The following GRB2 variants were observed in gnomAD, a reference collection of about 807,000 sequenced individuals.
GRB2 encodes the protein growth factor receptor-bound protein 2.
Under a neutral mutation model 27.4 loss-of-function variants are expected in GRB2, and 2 were observed. The observed-to-expected ratio is 0.07, with a 90% CI of 0.03 to 0.23. The LOEUF (loss-of-function observed/expected upper bound fraction) is 0.23. Ranked by LOEUF, GRB2 falls within the 10% of genes least tolerant of loss-of-function variation. The pLI, the probability that GRB2 is intolerant of heterozygous loss-of-function variation, is 1.00. For missense variants in GRB2, 102 were observed against 282.4 expected (o/e 0.36, Z 4.58); for synonymous variants, 94 against 99.6 (o/e 0.94, Z 0.33).
Position 75,320,351 on chromosome 17 carries a change from T to A in GRB2, c.*17A>T. On this transcript the variant is annotated 3_prime_UTR_variant, in exon 6 of 6. Transcript: ENST00000316804. This position sits in a 1 kb window ranked among gnomAD's most constrained non-coding sequence, Gnocchi z 4.3. The stretch of plus-strand genomic sequence containing the variant: ...TTTTACATTTTTCACTTTCTTTAAA[T>A]AATTGCTTCTTGACTCTTAGACGTT... 1 of 1,602,570 alleles carries A rather than the reference T, an allele frequency of 6.2e-7. No homozygotes were observed. The highest frequency in any genetic ancestry group is 1.1e-5 in the South Asian group (1 of 90,880).
At chr17:75,385,801 C>G (rs1257950474) in intron 2 of GRB2, among the ~76,000 whole-genome samples, 1 of 152,158 alleles carries the variant, frequency 6.6e-6, no homozygotes, top group Non-Finnish European at 1.5e-5. Flanking sequence ...AAAACAGGAT[C>G]CATTTAAACG....
At chr17:75,365,860 C>T (rs978480049) in intron 2 of GRB2, among the ~76,000 whole-genome samples, 1 of 152,130 alleles carries the variant, frequency 6.6e-6, no homozygotes, top group Non-Finnish European at 1.5e-5. Flanking sequence ...CCCAACCCAA[C>T]CCATCAGCTG....
At chr17:75,364,257 A>G (rs1433035645) in intron 2 of GRB2, among the ~76,000 whole-genome samples, 2 of 152,212 alleles carry the variant, frequency 1.3e-5, no homozygotes, top group Admixed American at 1.3e-4. Context: ...TATCCTTCAC[A>G]GTAGTGGCTG....
At chr17:75,396,632 C>T (rs1029218646) in intron 1 of GRB2, among the ~76,000 whole-genome samples, 1 of 152,128 alleles carries the variant, frequency 6.6e-6, no homozygotes, top group Non-Finnish European at 1.5e-5. Flanking sequence ...AAGCAATCTG[C>T]CTGCCTCGGC....
At chr17:75,396,310 A>G (rs1281696118) in intron 1 of GRB2, among the ~76,000 whole-genome samples, 1 of 151,810 alleles carries the variant, frequency 6.6e-6, no homozygotes, top group Non-Finnish European at 1.5e-5. Context: ...TGGCATGGTC[A>G]TGGCTTACTG....
chr17:75,335,562 G>A (rs1208105646), intron 2 of GRB2, among the ~76,000 whole-genome samples: 1 of 152,208 alleles, frequency 6.6e-6, no homozygotes, highest in African/African-American at 2.4e-5. Context: ...TTTCTTAACA[G>A]AGGGTATGCC....
At position 75,385,051 on chromosome 17, in the gene GRB2, AAAAAAAAG is replaced by A. The variant is rs1456720093; in HGVS notation, c.78+8492_78+8499del. On this transcript the variant is annotated intron_variant, in intron 2 of 5. Coordinates refer to ENST00000316804, the MANE Select transcript of GRB2 (RefSeq NM_002086.5). The stretch of plus-strand genomic sequence containing the variant: ...TACCAAAAAAAAAAAAAAAAAAAAA[AAAAAAAAG>A]CAAACAAACAAACAAACAAAAAAAC... Among the ~76,000 whole-genome samples the A allele has an allele frequency of 2.1e-3, 169 of 79,002 alleles. 2 individuals are homozygous for A. The South Asian group carries it at 0.042, about 20-fold the overall frequency. The allele number at this position is 79,002 out of a possible 152,430, so 51.8% of individuals were successfully genotyped here.
chr17:75,327,066 ATCTTT>A (rs2078503082), intron 3 of GRB2, among the ~76,000 whole-genome samples: 1 of 137,130 alleles, frequency 7.3e-6, no homozygotes, highest in African/African-American at 2.5e-5. Context: ...TAACTTACAT[ATCTTT>A]TCTTTTTTTT....
chr17:75,376,984 C>A (rs911485228), intron 2 of GRB2, among the ~76,000 whole-genome samples: 8 of 151,998 alleles, frequency 5.3e-5, no homozygotes, highest in African/African-American at 1.9e-4. Flanking sequence ...GCACTCCAGC[C>A]TGGGTAAGAG....
chr17:75,365,047 G>A (rs1013284654), intron 2 of GRB2, among the ~76,000 whole-genome samples: 1 of 152,146 alleles, frequency 6.6e-6, no homozygotes, highest in African/African-American at 2.4e-5. Context: ...ACCATGAAGA[G>A]TAAAATCAAA....
At position 75,375,093 on chromosome 17, in the gene GRB2, CG is replaced by C. The variant is rs371818056; in HGVS notation, c.78+18457del. On this transcript the variant is annotated intron_variant, in intron 2 of 5. Coordinates refer to ENST00000316804, the MANE Select transcript of GRB2 (RefSeq NM_002086.5). ...ACATTTTTGGTTTTTTTTTTGTAGA[CG>C]GGGGGGTCTCACTGTGTTGCCCAGG... 4.3e-3 allele frequency among the ~76,000 whole-genome samples: 653 copies of C among 151,020 alleles called. 6 individuals carry two copies. Among genetic ancestry groups the C allele is most frequent in the African/African-American group, 0.015 (613 of 41,180 alleles).
chr17:75,321,583 C>T, intron 5 of GRB2, 76 bp downstream of exon 5: 1 of 1,396,610 alleles, frequency 7.2e-7, no homozygotes, highest in Non-Finnish European at 1.0e-6. Flanking sequence ...GGGGCGCCTC[C>T]CCTTTCCTAC....
chr17:75,396,344 G>A (rs1162605329), intron 1 of GRB2, among the ~76,000 whole-genome samples: 2 of 151,986 alleles, frequency 1.3e-5, no homozygotes, highest in East Asian at 1.9e-4. Flanking sequence ...CTTGGCTCAA[G>A]TAATCCTCAT....
At chr17:75,403,155 A>AAT (rs1555614121) in intron 1 of GRB2, among the ~76,000 whole-genome samples, 222 of 145,542 alleles carry the variant, frequency 1.5e-3, no homozygotes, top group Non-Finnish European at 2.6e-3. Flanking sequence ...GACCAAAAAA[A>AAT]ATATATATAT....
chr17:75,352,201 G>C (rs2078696887), intron 2 of GRB2, among the ~76,000 whole-genome samples: 1 of 152,142 alleles, frequency 6.6e-6, no homozygotes, highest in African/African-American at 2.4e-5. Flanking sequence ...TGGGAGGGCT[G>C]GGGGGCAGGG....
chr17:75,362,247 C>T (rs190569005), intron 2 of GRB2, among the ~76,000 whole-genome samples: 1 of 152,310 alleles, frequency 6.6e-6, no homozygotes, highest in African/African-American at 2.4e-5. Flanking sequence ...TCATCACCTC[C>T]GCCATGTCTT....
chr17:75,368,502 C>A (rs1011754534), intron 2 of GRB2, among the ~76,000 whole-genome samples: 2 of 151,024 alleles, frequency 1.3e-5, no homozygotes, highest in African/African-American at 4.9e-5. Flanking sequence ...GGATTATAGG[C>A]GTGACCCACT....
chr17:75,397,916 A>T (rs887798113), intron 1 of GRB2, among the ~76,000 whole-genome samples: 4 of 151,998 alleles, frequency 2.6e-5, no homozygotes, highest in Non-Finnish European at 4.4e-5. Context: ...ATCTCAGGTC[A>T]CTGCAACCTC....
intron 2 of GRB2, among the ~76,000 whole-genome samples, chr17:75,379,400 TA>T (rs373865766): frequency 1.3e-3 from 95 of 73,706 alleles, no homozygotes; most frequent in Admixed American, 9.3e-3. Context: ...CTTGATTTCT[TA>T]AAAAAAAAAA....
Sources: gnomAD v4.1 joint callset for allele counts (sites outside exome capture counted in the v4.1 genomes callset) on GRCh38, gnomAD v4.1.1 for gene constraint, Gnocchi (gnomAD v3.1) non-coding constraint, MANE v1.5 for transcripts, NCBI Gene and HGNC (gene_info 2026-07-23, HGNC 2026-07-21) for gene names.